Variants in SP110 observed in about 807,000 individuals in gnomAD.
The protein encoded by SP110 is interferon-induced protein 41, 30kD.
Under a neutral mutation model 92.7 loss-of-function variants are expected in SP110, and 62 were observed. That is an observed-to-expected ratio of 0.67 (90% CI 0.55 to 0.83). The LOEUF (loss-of-function observed/expected upper bound fraction) is 0.83. Ranked by LOEUF, SP110 falls within the 40% of genes least tolerant of loss-of-function variation. The pLI is 0.00. For synonymous variants in SP110, 273 were observed against 305.3 expected (o/e 0.89, Z 1.10); for missense variants, 793 against 863.9 (o/e 0.92, Z 1.03).
chr2:230,209,224 C>G (rs1404819664), intron 7 of SP110, among the ~76,000 whole-genome samples: 3 of 152,084 alleles, frequency 2.0e-5, no homozygotes, highest in African/African-American at 7.2e-5. Context: ...GGGTCTATAG[C>G]TTGCCTTTGG....
chr2:230,209,949 T>G lies in SP110; in HGVS notation c.811A>C (p.Thr271Pro). Residue 271 changes from threonine to proline, a missense_variant, in exon 7 of 19, where the codon ACA (threonine) becomes CCA (proline). Coordinates refer to ENST00000258381, the MANE Select transcript of SP110 (RefSeq NM_080424.4). ...TTCTTACCTTTCTTGTCTGAAGGTG[T>G]GCTGGACACCTCCTGGGGCTCTTCT... The part of the protein sequence containing the change: ...DPEEPQEVSS[T>P]PSDKKGKKRK... The G allele has an allele frequency of 6.2e-7, 1 of 1,606,594 alleles. No individual in the cohort carries two copies. Among genetic ancestry groups the G allele is most frequent in the Non-Finnish European group, 8.5e-7 (1 of 1,173,124 alleles).
At chr2:230,192,727 T>C (rs967528972) in intron 10 of SP110, among the ~76,000 whole-genome samples, 1 of 152,228 alleles carries the variant, frequency 6.6e-6, no homozygotes. Context: ...ATAGATTCAA[T>C]GTTATTCCCA....
chr2:230,202,106 C>T (rs777442921), intron 9 of SP110, among the ~76,000 whole-genome samples: 2 of 152,160 alleles, frequency 1.3e-5, no homozygotes, highest in Non-Finnish European at 1.5e-5. Context: ...TGATGTCACT[C>T]TTTTCACTAA....
At chr2:230,205,562 C>T (rs1236064670) in intron 8 of SP110, among the ~76,000 whole-genome samples, 3 of 151,958 alleles carry the variant, frequency 2.0e-5, no homozygotes, top group African/African-American at 7.3e-5. Flanking sequence ...TGAGCTTTCC[C>T]CTTTGTTTTT....
intron 16 of SP110, 128 bp from the exon 17 acceptor site, chr2:230,171,895 C>G: frequency 1.2e-6 from 1 of 865,156 alleles, no homozygotes; most frequent in East Asian, 2.5e-5. Flanking sequence ...CTTCCCAAGG[C>G]GCACAGGGTG....
intron 8 of SP110, 173 bp from the exon 9 acceptor site, chr2:230,202,901 A>T (rs1387871153): frequency 1.5e-6 from 1 of 662,164 alleles, no homozygotes; most frequent in Non-Finnish European, 2.7e-6. Context: ...CCTTCTTCTT[A>T]TGTGTACCTT....
At chr2:230,175,847 A>G (rs894996759) in intron 14 of SP110, among the ~76,000 whole-genome samples, 18 of 152,184 alleles carry the variant, frequency 1.2e-4, no homozygotes, top group African/African-American at 4.3e-4. Flanking sequence ...AGGATTCAGC[A>G]ATACTCAGTA....
Position 230,212,360 on chromosome 2 carries a change from A to G in SP110, c.654T>C (p.Thr218=). The G allele has an allele frequency of 6.2e-7, 1 of 1,611,618 alleles. No homozygotes were observed. The highest frequency in any genetic ancestry group is 1.7e-4 in the Middle Eastern group (1 of 6,058). ...AGTCAGTGTTACCTTGCACAGTGCT[A>G]GTGAGGAGGCTGGGCATCTCTTCTG... ...EDSEEMPSLL[T]STVQVASDNL... Residue 218 remains threonine, a synonymous_variant, in exon 5 of 19, where the codon ACT becomes ACC. Transcript: ENST00000258381.
chr2:230,176,652 G>A, intron 14 of SP110: 2 of 1,613,882 alleles, frequency 1.2e-6, no homozygotes, highest in African/African-American at 1.3e-5. Flanking sequence ...GTGACTGAGA[G>A]GGTAGTAGAA....
intron 12 of SP110, among the ~76,000 whole-genome samples, chr2:230,178,646 C>A (rs1477197926): frequency 6.6e-6 from 1 of 152,184 alleles, no homozygotes; most frequent in Non-Finnish European, 1.5e-5. Context: ...CATTTATAAT[C>A]TTATTTCCTG....
At chr2:230,196,931 C>A (rs909700286) in intron 10 of SP110, among the ~76,000 whole-genome samples, 3 of 152,162 alleles carry the variant, frequency 2.0e-5, no homozygotes, top group Non-Finnish European at 4.4e-5. Context: ...TTTTCTTAAT[C>A]CAGTCTATCG....
chr2:230,220,075 G>A, upstream of SP110: 5 of 985,506 alleles, frequency 5.1e-6, no homozygotes, highest in Middle Eastern at 1.0e-3. Context: ...AAGGCAGGTC[G>A]GTGCCTGCAG....
At chr2:230,215,215 T>G (rs1288839937) in intron 2 of SP110, 97 bp from the exon 3 acceptor site, 4 of 966,510 alleles carry the variant, frequency 4.1e-6, no homozygotes, top group Non-Finnish European at 6.5e-6. Context: ...GCTACCTTAC[T>G]CTTTTAAGAA....
In SP110 at chr2:230,217,027, C is replaced by T; in HGVS notation, c.-1-99G>A. On this transcript the variant is annotated intron_variant, in intron 1 of 18. Coordinates refer to ENST00000258381, the MANE Select transcript of SP110 (RefSeq NM_080424.4). The stretch of plus-strand genomic sequence containing the variant: ...TTGGGAGGCCGAGGTGGGTGGATCA[C>T]CTGAGGTCAAGAGATTGAGACCATC... 4 of 921,420 alleles carry T rather than the reference C, an allele frequency of 4.3e-6. No individual in the cohort carries two copies. The East Asian group carries it at 8.2e-5, about 19-fold the overall frequency. 57.1% of individuals were successfully genotyped at this position (921,420 alleles called of 1,614,324 possible). A position where few individuals can be genotyped will look rare whatever the true frequency, so the allele number is the denominator to read the frequency against.
At chr2:230,199,992 T>C (rs1332134963) in intron 10 of SP110, among the ~76,000 whole-genome samples, 2 of 152,170 alleles carry the variant, frequency 1.3e-5, no homozygotes, top group Non-Finnish European at 2.9e-5. Context: ...CTTAATTTCC[T>C]CATCTGCTAA....
rs1332549652 is a variant in SP110 at position 230,208,003 on chromosome 2, T to G, written c.886A>C (p.Ser296Arg). Reference protein sequence around the residue: ...STPKRRHKKKSLPGGTASSRH... With the variant: ...STPKRRHKKKRLPGGTASSRH... ...ACTCTCATCTTACCTCCTGGGAGGC[T>G]TTTTTTCTTATGTCTCCTTTTTGGA... The change falls in exon 8 of 19, where the codon AGC becomes CGC. Residue 296 changes from serine to arginine, a missense_variant. Coordinates refer to ENST00000258381, the MANE Select transcript of SP110 (RefSeq NM_080424.4). 1.3e-6 allele frequency: 2 copies of G among 1,546,970 alleles called. No homozygotes were observed. Among genetic ancestry groups the G allele is most frequent in the Non-Finnish European group, 8.9e-7 (1 of 1,122,480 alleles).
chr2:230,205,629 T>G (rs1353981697), intron 8 of SP110, among the ~76,000 whole-genome samples: 1 of 152,204 alleles, frequency 6.6e-6, no homozygotes, highest in Non-Finnish European at 1.5e-5. Context: ...GCTTTCAGAA[T>G]GGGTATATAC....
Position 230,207,992 on chromosome 2 carries a change from T to C in SP110, c.897A>G (p.Gly299=). ...KRRHKKKSLP[G]GTASSRHGIQ... is the part of the protein sequence containing the mutation. ...CTTCCTCTTGTACTCTCATCTTACCTCCTGGGAGGCTTTTTTTCTTATGTC... is the reference window on the plus strand; with the variant it reads ...CTTCCTCTTGTACTCTCATCTTACCCCCTGGGAGGCTTTTTTTCTTATGTC... The change falls in exon 8 of 19, where the codon GGA becomes GGG. Residue 299 remains glycine, a splice_region_variant and synonymous_variant. Coordinates refer to ENST00000258381, the MANE Select transcript of SP110 (RefSeq NM_080424.4). 6.6e-7 allele frequency: 1 copy of C among 1,517,208 alleles called. No homozygotes were observed. The highest frequency in any genetic ancestry group is 9.1e-7 in the Non-Finnish European group (1 of 1,095,746). The allele number at this position is 1,517,208 out of a possible 1,614,324, so 94.0% of individuals were successfully genotyped here. A position where few individuals can be genotyped will look rare whatever the true frequency, so the allele number is the denominator to read the frequency against.
At chr2:230,183,711 C>A in intron 11 of SP110, 71 bp from the exon 12 acceptor site, 1 of 1,035,680 alleles carries the variant, frequency 9.7e-7, no homozygotes, top group Middle Eastern at 2.0e-4. Flanking sequence ...TAACAATCTT[C>A]AAGCATTTTT....
Sources: allele counts gnomAD v4.1 joint callset (sites outside exome capture counted in the v4.1 genomes callset), GRCh38; gene constraint gnomAD v4.1.1; transcripts MANE v1.5; gene names NCBI Gene and HGNC (gene_info 2026-07-23, HGNC 2026-07-21).